Variants in FAM117B observed in about 807,000 individuals in gnomAD.
The protein encoded by FAM117B is protein FAM117B.
FAM117B carries 22 observed loss-of-function variants against 52.8 expected under a neutral mutation model. That is an observed-to-expected ratio of 0.42 (90% CI 0.30 to 0.59). The LOEUF is 0.59. Ranked by LOEUF, FAM117B falls within the 20% of genes least tolerant of loss-of-function variation. The pLI is 0.22. For synonymous variants in FAM117B, 309 were observed against 324.1 expected, an observed-to-expected ratio of 0.95 and a Z score of 0.50; for missense variants, 678 against 802.6, an observed-to-expected ratio of 0.84 and a Z score of 1.88.
At chr2:202,712,461 G>A (rs1368256206) in intron 2 of FAM117B, among the ~76,000 whole-genome samples, 1 of 134,040 alleles carries the variant, frequency 7.5e-6, no homozygotes, top group African/African-American at 2.8e-5. Context: ...GAGGCTTTAG[G>A]TGTTTCCAAA....
chr2:202,675,946 T>G (rs1690371470), intron 1 of FAM117B, among the ~76,000 whole-genome samples: 2 of 146,720 alleles, frequency 1.4e-5, no homozygotes, highest in South Asian at 4.2e-4. Flanking sequence ...GATCGCACCA[T>G]TGCATTCCAG....
chr2:202,667,915 A>C (rs545572062), intron 1 of FAM117B, among the ~76,000 whole-genome samples: 57 of 151,910 alleles, frequency 3.8e-4, no homozygotes, highest in African/African-American at 1.3e-3. Flanking sequence ...ATAGTAGTAG[A>C]GTAGTATTAG....
chr2:202,715,378 A>G (rs1275165357), intron 2 of FAM117B, among the ~76,000 whole-genome samples: 41 of 130,478 alleles, frequency 3.1e-4, no homozygotes, highest in Middle Eastern at 4.3e-3. Context: ...GGTGGCTGCC[A>G]GGCGGAGGGG....
chr2:202,718,396 T>C (rs949572646), intron 2 of FAM117B, among the ~76,000 whole-genome samples: 9 of 152,242 alleles, frequency 5.9e-5, no homozygotes, highest in African/African-American at 2.2e-4. Flanking sequence ...CTGTTATTCC[T>C]GGTTTGTTTT....
At chr2:202,715,263 C>A (rs1453856206) in intron 2 of FAM117B, among the ~76,000 whole-genome samples, 16 of 150,748 alleles carry the variant, frequency 1.1e-4, no homozygotes, top group Non-Finnish European at 1.8e-4. Context: ...GGCTGACCCC[C>A]CACCTCCCTC....
chr2:202,694,363 G>C (rs1690677740), intron 1 of FAM117B, among the ~76,000 whole-genome samples: 1 of 151,500 alleles, frequency 6.6e-6, no homozygotes, highest in African/African-American at 2.4e-5. Flanking sequence ...GCTAATTTTT[G>C]TATTTTTAGT....
chr2:202,755,707 A>G, intron 5 of FAM117B, 26 bp downstream of exon 5: 1 of 1,591,498 alleles, frequency 6.3e-7, no homozygotes, highest in Non-Finnish European at 8.6e-7. Context: ...TCTTAAAATC[A>G]TTCTTGAACT....
At chr2:202,664,925 C>T (rs1415201210) in intron 1 of FAM117B, among the ~76,000 whole-genome samples, 1 of 151,934 alleles carries the variant, frequency 6.6e-6, no homozygotes, top group Non-Finnish European at 1.5e-5. Flanking sequence ...AAAGTTGGGG[C>T]GGGGAGGAGG....
intron 1 of FAM117B, among the ~76,000 whole-genome samples, chr2:202,662,665 AC>A (rs1233536365): frequency 2.6e-5 from 4 of 152,076 alleles, no homozygotes; most frequent in Non-Finnish European, 5.9e-5. Flanking sequence ...ACATGGTCAA[AC>A]CCCGTCACTA....
At chr2:202,696,079 ACTT>A (rs747610987) in intron 2 of FAM117B, 47 bp downstream of exon 2, 22 of 1,579,466 alleles carry the variant, frequency 1.4e-5, no homozygotes, top group African/African-American at 1.4e-5. Context: ...CTCTGAAGCT[ACTT>A]CTTCTAATAT....
At chr2:202,655,755 A>AGAGT (rs1690046086) in intron 1 of FAM117B, among the ~76,000 whole-genome samples, 1 of 133,460 alleles carries the variant, frequency 7.5e-6, no homozygotes, top group Non-Finnish European at 1.6e-5. Context: ...AGAGAGAGAG[A>AGAGT]GAGAGAGTGT....
chr2:202,643,788 C>T (rs1689809900), intron 1 of FAM117B, among the ~76,000 whole-genome samples: 1 of 152,140 alleles, frequency 6.6e-6, no homozygotes, highest in African/African-American at 2.4e-5. Context: ...CAGCTCACTG[C>T]AACCTCTGCC....
rs116360793 is a variant in FAM117B, at chr2:202,662,835, T to G, written c.601+27047T>G. On this transcript the variant is annotated intron_variant, in intron 1 of 7. Coordinates refer to ENST00000392238, the MANE Select transcript of FAM117B (RefSeq NM_173511.4). ...CTCTAGCCTGGCGATACAGTGAGAC[T>G]CCATCTCAAAAGAAGAAGAAGAAAA... 2.5e-3 allele frequency among the ~76,000 whole-genome samples: 387 copies of G among 152,098 alleles called. 1 individual carries two copies. The highest frequency in any genetic ancestry group is 4.3e-3 in the Admixed American group (65 of 15,260).
chr2:202,704,855 C>G (rs1471190458), intron 2 of FAM117B, among the ~76,000 whole-genome samples: 1 of 151,950 alleles, frequency 6.6e-6, no homozygotes, highest in East Asian at 1.9e-4. Context: ...CCTGCCTCAG[C>G]CTCCCAAAGT....
chr2:202,707,448 A>G (rs890414048), intron 2 of FAM117B, among the ~76,000 whole-genome samples: 1 of 152,020 alleles, frequency 6.6e-6, no homozygotes, highest in African/African-American at 2.4e-5. Flanking sequence ...TTATGCCTGT[A>G]ATCCCAGCAC....
chr2:202,734,924 G>T (rs1691415974), intron 4 of FAM117B, among the ~76,000 whole-genome samples: 2 of 152,084 alleles, frequency 1.3e-5, no homozygotes, highest in Admixed American at 6.6e-5. Context: ...TATCTCTAAA[G>T]AATTTTTTTA....
chr2:202,710,498 A>G (rs901244736), intron 2 of FAM117B, among the ~76,000 whole-genome samples: 1 of 152,170 alleles, frequency 6.6e-6, no homozygotes, highest in African/African-American at 2.4e-5. Flanking sequence ...ATAATGCATA[A>G]TAATCACATC....
At chr2:202,674,480 TACTC>T (rs1390906026) in intron 1 of FAM117B, among the ~76,000 whole-genome samples, 27 of 152,260 alleles carry the variant, frequency 1.8e-4, no homozygotes, top group African/African-American at 6.5e-4. Flanking sequence ...TCCAATTCCA[TACTC>T]TATCTACTCT....
chr2:202,650,927 T>C (rs998041631), intron 1 of FAM117B, among the ~76,000 whole-genome samples: 1 of 151,876 alleles, frequency 6.6e-6, no homozygotes, highest in Non-Finnish European at 1.5e-5. Flanking sequence ...CAAATATTAA[T>C]CTCCTTTGGC....
Sources: allele counts gnomAD v4.1 joint callset (sites outside exome capture counted in the v4.1 genomes callset), GRCh38; gene constraint gnomAD v4.1.1; transcripts MANE v1.5; gene names NCBI Gene and HGNC (gene_info 2026-07-23, HGNC 2026-07-21).